GABRG3: variants seen among roughly 807,000 people sequenced by gnomAD.
GABRG3 encodes the protein gamma-aminobutyric acid type A receptor subunit gamma3, also known as gamma-aminobutyric acid receptor subunit gamma-3.
Under a neutral mutation model 48.8 loss-of-function variants are expected in GABRG3, and 25 were observed. The ratio of observed to expected loss-of-function variants is 0.51; its 90% CI spans 0.37 to 0.72. The LOEUF is 0.72. GABRG3 is among the 30% of genes least tolerant of loss of function. The pLI is 0.00. For missense variants in GABRG3, 394 were observed against 577.9 expected, an observed-to-expected ratio of 0.68 and a Z score of 3.26; for synonymous variants, 227 against 217.6, an observed-to-expected ratio of 1.04 and a Z score of -0.38.
At chr15:27,087,972 T>C (rs1317807025) in intron 3 of GABRG3, among the ~76,000 whole-genome samples, 1 of 150,632 alleles carries the variant, frequency 6.6e-6, no homozygotes, top group Admixed American at 6.6e-5. Flanking sequence ...GGAGTGTGTG[T>C]GTGCATGTGC....
intron 3 of GABRG3, among the ~76,000 whole-genome samples, chr15:27,265,509 T>C (rs142116262): frequency 6.6e-6 from 1 of 152,222 alleles, no homozygotes; most frequent in African/African-American, 2.4e-5. Context: ...GATACAGCAA[T>C]AGAGACAGGT....
At chr15:27,013,070 G>C (rs2140668528) in intron 2 of GABRG3, among the ~76,000 whole-genome samples, 1 of 152,238 alleles carries the variant, frequency 6.6e-6, no homozygotes, top group African/African-American at 2.4e-5. Flanking sequence ...AAAATATTTT[G>C]TAGTAGTTAG....
chr15:27,312,740 A>G (rs1274459725), intron 3 of GABRG3, among the ~76,000 whole-genome samples: 1 of 152,154 alleles, frequency 6.6e-6, no homozygotes, highest in Non-Finnish European at 1.5e-5. Context: ...GAGAAAGTTC[A>G]TCACTACTAG....
chr15:27,023,596 A>G (rs539849932), intron 2 of GABRG3, among the ~76,000 whole-genome samples: 3 of 152,360 alleles, frequency 2.0e-5, no homozygotes, highest in African/African-American at 7.2e-5. Flanking sequence ...TTCACTTAGC[A>G]TAATGTCCTC....
At chr15:27,184,408 T>C (rs962499207) in intron 3 of GABRG3, among the ~76,000 whole-genome samples, 1 of 152,208 alleles carries the variant, frequency 6.6e-6, no homozygotes, top group Non-Finnish European at 1.5e-5. Flanking sequence ...ATCTGGATTC[T>C]TCTCGATTGC....
In GABRG3 at chr15:26,976,456, AC is replaced by A. The variant is rs962639146; in HGVS notation, c.54-541del. ...TCCAATCTGAGTGCCGGCAAAGCAG[AC>A]CCCCTCACAATGCTCAAGTGCCTAG... is the stretch of plus-strand genomic sequence containing the variant. On this transcript the variant is annotated intron_variant, in intron 1 of 9. Coordinates refer to ENST00000615808, the MANE Select transcript of GABRG3 (RefSeq NM_033223.5). This position sits in a 1 kb window ranked among gnomAD's most constrained non-coding sequence, Gnocchi z 7.8. Among the ~76,000 whole-genome samples, 4 of 152,082 alleles carry A rather than the reference AC, an allele frequency of 2.6e-5. No individual in the cohort carries two copies. The highest frequency in any genetic ancestry group is 4.4e-5 in the Non-Finnish European group (3 of 68,006).
chr15:27,246,136 C>T (rs540814582), intron 3 of GABRG3, among the ~76,000 whole-genome samples: 1 of 152,316 alleles, frequency 6.6e-6, no homozygotes, highest in South Asian at 2.1e-4. Flanking sequence ...TCGTCTCCAA[C>T]ACTGCGGATC....
chr15:27,313,303 TATATATAC>T (rs1248992204), intron 3 of GABRG3, among the ~76,000 whole-genome samples: 3 of 105,162 alleles, frequency 2.9e-5, no homozygotes, highest in Non-Finnish European at 5.6e-5. Context: ...TATATATATA[TATATATAC>T]CCAACATCAG....
At chr15:27,107,358 T>C (rs1276555479) in intron 3 of GABRG3, among the ~76,000 whole-genome samples, 1 of 152,058 alleles carries the variant, frequency 6.6e-6, no homozygotes, top group African/African-American at 2.4e-5. Context: ...GTGATTTACA[T>C]TGATTTATAA....
In GABRG3 at chr15:27,470,204, GGT is replaced by G. The variant is rs1889742379; in HGVS notation, c.575-10443_575-10442del. 3.3e-5 allele frequency among the ~76,000 whole-genome samples: 5 copies of G among 151,634 alleles called. No homozygotes were observed. The South Asian group carries it at 1.0e-3, about 32-fold the overall frequency. ...ATTTCTCTTATTAGGAGTGAATTTG[GGT>G]GTCTTTTTTTCTTTTTCTTTTTTCT... On this transcript the variant is annotated intron_variant, in intron 5 of 9. Transcript: ENST00000615808.
intron 3 of GABRG3, among the ~76,000 whole-genome samples, chr15:27,278,833 A>ATGT (rs1212161781): frequency 6.6e-6 from 1 of 152,132 alleles, no homozygotes; most frequent in Non-Finnish European, 1.5e-5. Context: ...TGGTAAGCGT[A>ATGT]TGTTGAGTTT....
At chr15:27,389,710 A>T (rs549729870) in intron 5 of GABRG3, among the ~76,000 whole-genome samples, 17 of 152,326 alleles carry the variant, frequency 1.1e-4, no homozygotes, top group African/African-American at 3.8e-4. Context: ...ACGTAATTCA[A>T]ATGACCCTTC....
intron 3 of GABRG3, among the ~76,000 whole-genome samples, chr15:27,225,838 C>G (rs559959544): frequency 6.6e-6 from 1 of 152,070 alleles, no homozygotes; most frequent in Non-Finnish European, 1.5e-5. Context: ...TGGGCTGCTG[C>G]AGATGGAGAG....
chr15:26,985,180 G>A (rs1033580698), intron 2 of GABRG3, among the ~76,000 whole-genome samples: 3 of 152,184 alleles, frequency 2.0e-5, no homozygotes, highest in Non-Finnish European at 2.9e-5. Flanking sequence ...CCTCTGCCAG[G>A]GCTGCCCACA....
At chr15:27,074,126 A>G (rs558775043) in intron 3 of GABRG3, among the ~76,000 whole-genome samples, 1 of 152,216 alleles carries the variant, frequency 6.6e-6, no homozygotes, top group African/African-American at 2.4e-5. Context: ...TTGAGACTTA[A>G]TTTACTACCA....
At chr15:27,262,147 C>T (rs1890787573) in intron 3 of GABRG3, among the ~76,000 whole-genome samples, 1 of 152,152 alleles carries the variant, frequency 6.6e-6, no homozygotes, top group Admixed American at 6.5e-5. Context: ...GGCAGGAGAC[C>T]ATGTGTCCCT....
intron 9 of GABRG3, among the ~76,000 whole-genome samples, chr15:27,530,056 G>A (rs1051879110): frequency 1.3e-5 from 2 of 152,236 alleles, no homozygotes; most frequent in Admixed American, 6.5e-5. Flanking sequence ...TCTGTCCTCC[G>A]GTCTGCAGCC....
chr15:27,014,724 G>A (rs528327526), intron 2 of GABRG3, among the ~76,000 whole-genome samples: 19 of 152,272 alleles, frequency 1.2e-4, no homozygotes, highest in Non-Finnish European at 2.5e-4. Context: ...AGTTGCACTT[G>A]AGGAGAAGGT....
Position 27,449,397 on chromosome 15 carries a change from TA to T in GABRG3, c.575-31252del, listed in dbSNP as rs535284522. ...AGAAGGTTTCCTTATCCTCTGACCC[TA>T]TTTTGGACAAGCCATTCTATAAGGT... On this transcript the variant is annotated intron_variant, in intron 5 of 9. Coordinates refer to ENST00000615808, the MANE Select transcript of GABRG3 (RefSeq NM_033223.5). Among the ~76,000 whole-genome samples, 7 of 152,328 alleles carry T rather than the reference TA, an allele frequency of 4.6e-5. No individual in the cohort carries two copies. In the South Asian group the frequency reaches 1.4e-3, roughly 32 times the overall value.
Sources: gnomAD v4.1 joint callset for allele counts (sites outside exome capture counted in the v4.1 genomes callset) on GRCh38, gnomAD v4.1.1 for gene constraint, Gnocchi (gnomAD v3.1) non-coding constraint, MANE v1.5 for transcripts, NCBI Gene and HGNC (gene_info 2026-07-23, HGNC 2026-07-21) for gene names.